Variants in RBFOX1 observed in about 807,000 individuals in gnomAD.
RBFOX1 encodes RNA binding protein fox-1 homolog 1.
In RBFOX1, 8 loss-of-function variants were observed where a neutral mutation model predicts 57.7. The observed-to-expected ratio is 0.14, with a 90% CI of 0.08 to 0.25. RBFOX1 has a LOEUF of 0.25. Ranked by LOEUF, RBFOX1 falls within the 10% of genes least tolerant of loss-of-function variation. The pLI is 1.00. For synonymous variants in RBFOX1, 326 were observed against 222.4 expected (o/e 1.47, Z -4.15); for missense variants, 611 against 548.5 (o/e 1.11, Z -1.14).
At chr16:5,557,119 G>A (rs1404387767) in intron 2 of RBFOX1, among the ~76,000 whole-genome samples, 1 of 151,900 alleles carries the variant, frequency 6.6e-6, no homozygotes. Flanking sequence ...AATTAGCTGG[G>A]CGTGGTGGCA....
At chr16:6,677,039 C>G (rs182539995) in intron 3 of RBFOX1, among the ~76,000 whole-genome samples, 64 of 152,256 alleles carry the variant, frequency 4.2e-4, no homozygotes, top group Middle Eastern at 6.8e-3. Context: ...ATAAAAGGCA[C>G]TTTTAAGTAC....
At chr16:7,233,095 A>C (rs1441385602) in intron 4 of RBFOX1, among the ~76,000 whole-genome samples, 2 of 152,030 alleles carry the variant, frequency 1.3e-5, no homozygotes, top group Non-Finnish European at 2.9e-5. Flanking sequence ...CCCATCTCAC[A>C]ATGTACATAG....
In RBFOX1 at chr16:5,946,759, G is replaced by C. The variant is rs1270067345; in HGVS notation, c.351+79424G>C. 6.6e-6 allele frequency among the ~76,000 whole-genome samples: 1 copy of C among 152,212 alleles called. No individual in the cohort carries two copies. Among genetic ancestry groups the C allele is most frequent in the Non-Finnish European group, 1.5e-5 (1 of 68,042 alleles). ...TCTTGTGGGACTGGGCCCTCAACCT[G>C]TGGAATCTGATTCTAACTCCAGGTG... On this transcript the variant is annotated intron_variant, in intron 4 of 19. Transcript: ENST00000641259. This position sits in a 1 kb window ranked among gnomAD's most constrained non-coding sequence, Gnocchi z 4.6.
intron 1 of RBFOX1, among the ~76,000 whole-genome samples, chr16:6,022,844 A>T (rs1045022421): frequency 6.6e-6 from 1 of 152,206 alleles, no homozygotes; most frequent in Admixed American, 6.5e-5. Flanking sequence ...TTTTAGAAAG[A>T]ATTTTAGTTT....
chr16:7,623,217 C>A (rs548209915), intron 10 of RBFOX1, among the ~76,000 whole-genome samples: 2 of 152,106 alleles, frequency 1.3e-5, no homozygotes, highest in Admixed American at 1.3e-4. Flanking sequence ...TTTTGGCACC[C>A]GGGTTGGGTT....
chr16:7,688,051 G>T (rs977827371), intron 14 of RBFOX1, among the ~76,000 whole-genome samples: 4 of 152,032 alleles, frequency 2.6e-5, no homozygotes, highest in Non-Finnish European at 5.9e-5. Context: ...TGGCTGGGCA[G>T]TCAGGGCTAA....
intron 2 of RBFOX1, among the ~76,000 whole-genome samples, chr16:6,633,154 G>A (rs749895633): frequency 3.9e-5 from 6 of 152,206 alleles, no homozygotes; most frequent in Non-Finnish European, 7.3e-5. Flanking sequence ...CCCCTGTGCT[G>A]CGTGGGGATC....
At chr16:6,206,098 T>C (rs1598357290) in intron 1 of RBFOX1, among the ~76,000 whole-genome samples, 1 of 152,046 alleles carries the variant, frequency 6.6e-6, no homozygotes, top group East Asian at 1.9e-4. Context: ...TAAAAGTTGA[T>C]GTTTCTGTCT....
rs372928541 is a variant in RBFOX1, at chr16:6,653,824, G to A, written c.-63-779G>A. 1.7e-4 allele frequency among the ~76,000 whole-genome samples: 26 copies of A among 151,850 alleles called. No homozygotes were observed. The Middle Eastern group carries it at 0.01, about 60-fold the overall frequency. ...TGAGTAGACGGATGAATGGGAGAAG[G>A]ATGCAGGATAGATGGATGATTGGAT... On this transcript the variant is annotated intron_variant, in intron 2 of 15. Transcript: ENST00000550418.
Position 6,853,559 on chromosome 16 carries a change from T to C in RBFOX1, c.-15-198498T>C, listed in dbSNP as rs140886991. The stretch of plus-strand genomic sequence containing the variant: ...ATGCTTTCAGAATTTGGGTTATGAG[T>C]GATTGAGGGAGGTTAGCAAACGGAT... On this transcript the variant is annotated intron_variant, in intron 3 of 15. Transcript: ENST00000550418. 1.3e-4 allele frequency among the ~76,000 whole-genome samples: 19 copies of C among 151,962 alleles called. No homozygotes were observed. The East Asian group carries it at 3.5e-3, about 28-fold the overall frequency.
intron 13 of RBFOX1, chr16:7,671,630 T>G (rs2071468743): frequency 6.3e-7 from 1 of 1,588,892 alleles, no homozygotes; most frequent in African/African-American, 1.3e-5. Flanking sequence ...GAGAAACTCA[T>G]CACTATGATT....
At chr16:7,389,336 G>A (rs1457139391) in intron 4 of RBFOX1, among the ~76,000 whole-genome samples, 1 of 152,032 alleles carries the variant, frequency 6.6e-6, no homozygotes, top group African/African-American at 2.4e-5. Flanking sequence ...ATGTAGCCCA[G>A]GCTGGTCTTA....
intron 4 of RBFOX1, among the ~76,000 whole-genome samples, chr16:7,390,624 A>G (rs1345326265): frequency 3.9e-5 from 6 of 152,196 alleles, no homozygotes; most frequent in East Asian, 1.9e-4. Flanking sequence ...AGCATAGATC[A>G]TTTTCGGATT....
intron 3 of RBFOX1, among the ~76,000 whole-genome samples, chr16:7,040,661 A>G (rs919224341): frequency 6.6e-6 from 1 of 152,146 alleles, no homozygotes; most frequent in African/African-American, 2.4e-5. Flanking sequence ...GTATAAATGG[A>G]TATTTTTCTG....
At chr16:7,346,210 C>T (rs2097000927) in intron 4 of RBFOX1, among the ~76,000 whole-genome samples, 1 of 152,098 alleles carries the variant, frequency 6.6e-6, no homozygotes, top group African/African-American at 2.4e-5. Context: ...GCGACATTTT[C>T]TTAATCCAGT....
intron 3 of RBFOX1, among the ~76,000 whole-genome samples, chr16:5,752,091 A>G (rs528011720): frequency 1.2e-4 from 19 of 152,104 alleles, no homozygotes; most frequent in African/African-American, 4.3e-4. Flanking sequence ...ATCCAGCCAT[A>G]AAAAAAAGAA....
At chr16:5,798,201 G>A (rs1044828268) in intron 3 of RBFOX1, among the ~76,000 whole-genome samples, 2 of 152,170 alleles carry the variant, frequency 1.3e-5, no homozygotes, top group African/African-American at 4.8e-5. Context: ...TGTGTAAAAA[G>A]TGATTGGACA....
intron 3 of RBFOX1, among the ~76,000 whole-genome samples, chr16:6,901,485 C>T (rs1290688732): frequency 6.6e-6 from 1 of 152,124 alleles, no homozygotes; most frequent in Non-Finnish European, 1.5e-5. Context: ...CTTCCTTAGC[C>T]CATGACTCTC....
intron 4 of RBFOX1, among the ~76,000 whole-genome samples, chr16:7,266,416 C>G (rs2095145440): frequency 6.6e-6 from 1 of 152,196 alleles, no homozygotes; most frequent in African/African-American, 2.4e-5. Flanking sequence ...GCTGGAAGCC[C>G]AGCAGATGCC....
Sources: allele counts gnomAD v4.1 joint callset (sites outside exome capture counted in the v4.1 genomes callset), GRCh38; gene constraint gnomAD v4.1.1; non-coding constraint Gnocchi (gnomAD v3.1); transcripts MANE v1.5; gene names NCBI Gene and HGNC (gene_info 2026-07-23, HGNC 2026-07-21).